Variants in SEC24C observed in about 807,000 individuals in gnomAD.
SEC24C encodes SEC24 homolog C, COPII component.
In SEC24C, 22 loss-of-function variants were observed where a neutral mutation model predicts 117.0. The ratio of observed to expected loss-of-function variants is 0.19; its 90% CI spans 0.13 to 0.27. The LOEUF is 0.27. Ranked by LOEUF, SEC24C falls within the 10% of genes least tolerant of loss-of-function variation. The probability of loss-of-function intolerance (pLI) is 1.00; values close to 1 mark genes in which losing one functional copy is unlikely to be tolerated. For synonymous variants in SEC24C, 506 were observed against 529.4 expected, an observed-to-expected ratio of 0.96 and a Z score of 0.61; for missense variants, 1,155 against 1,375.1, an observed-to-expected ratio of 0.84 and a Z score of 2.53.
intron 5 of SEC24C, 146 bp downstream of exon 5, chr10:73,760,532 G>C: frequency 8.4e-7 from 1 of 1,190,032 alleles, no homozygotes; most frequent in Non-Finnish European, 1.2e-6. Flanking sequence ...CTAGGATATG[G>C]GGTTTGTAAG....
In SEC24C at chr10:73,746,841, C is replaced by T. The variant is rs1288161195; in HGVS notation, c.9C>T (p.Val3=). MN[V]NQSVPPVPPF... ...TTGGGAATGCTTTCATAATGAACGT[C>T]AACCAGTCAGTTCCACCTGTGCCAC... Residue 3 remains valine (V), a synonymous_variant, in exon 2 of 23, where the codon GTC becomes GTT. Transcript: ENST00000345254. 1.2e-6 allele frequency: 2 copies of T among 1,606,688 alleles called. No homozygotes were observed. Among genetic ancestry groups the T allele is most frequent in the Non-Finnish European group, 8.5e-7 (1 of 1,176,318 alleles).
chr10:73,760,213 T>C lies in SEC24C; in HGVS notation c.677T>C (p.Met226Thr), dbSNP rs774911938. Residue 226 changes from methionine (M) to threonine (T), a missense_variant, in exon 5 of 23, where the codon ATG becomes ACG. Physicochemically the swap from Met to Thr is moderately conservative, Grantham distance 81. Transcript: ENST00000345254. Reference protein sequence around the residue: ...PASGGPRLPSMTGPLLPGQSF... With the variant: ...PASGGPRLPSTTGPLLPGQSF... ...TCAGGGGGTCCTCGGCTGCCTTCGA[T>C]GACTGGTCCACTCCTGCCTGGACAG... The C allele has an allele frequency of 2.5e-6, 4 of 1,614,168 alleles. No homozygotes were observed. The East Asian group carries it at 8.9e-5, about 36-fold the overall frequency.
Position 73,769,611 on chromosome 10 carries a change from C to T in SEC24C, c.2564-4C>T, listed in dbSNP as rs2082941705. On this transcript the variant is annotated splice_region_variant and splice_polypyrimidine_tract_variant and intron_variant, in intron 18 of 22. Transcript: ENST00000345254. The surrounding 1 kb of genome is among the most constrained non-coding windows in gnomAD (Gnocchi z 4.5). ...CCAGTGACTATCTTTGCTTTCCCAT[C>T]CAGCATATCGGGGAGTCCTGAATAG... 6.2e-7 allele frequency: 1 copy of T among 1,613,696 alleles called. No homozygotes were observed. The highest frequency in any genetic ancestry group is 8.5e-7 in the Non-Finnish European group (1 of 1,179,848).
chr10:73,758,609 T>C (rs1424992338), intron 3 of SEC24C, among the ~76,000 whole-genome samples: 1 of 152,226 alleles, frequency 6.6e-6, no homozygotes, highest in African/African-American at 2.4e-5. Flanking sequence ...CTACTTTCTG[T>C]CTCTAAAGAT....
At position 73,760,727 on chromosome 10, in the gene SEC24C, G is replaced by A; in HGVS notation, c.865G>A (p.Ala289Thr). Residue 289 changes from alanine (A) to threonine (T), a missense_variant, in exon 6 of 23, where the codon GCC becomes ACC. By Grantham distance (58) the Ala-to-Thr change is moderately conservative. This residue lies in a region of SEC24C where 396 missense variants were observed against 382.8 expected (regional missense o/e 1.03). Coordinates refer to ENST00000345254, the MANE Select transcript of SEC24C (RefSeq NM_198597.3). Reference sequence around the variant, plus strand: ...CCTTGTCTCAGGTTCCTTCGGACCAGCCCGGGGCCCTCAGTCTAATTATGG... The same window carrying A: ...CCTTGTCTCAGGTTCCTTCGGACCAACCCGGGGCCCTCAGTCTAATTATGG... ...QPQQNGSFGPARGPQSNYGGP... is the reference protein window; with the variant it reads ...QPQQNGSFGPTRGPQSNYGGP... The A allele has an allele frequency of 6.2e-7, 1 of 1,609,452 alleles. No homozygotes were observed. The highest frequency in any genetic ancestry group is 1.3e-5 in the African/African-American group (1 of 74,708).
Position 73,767,859 on chromosome 10 carries a change from G to T in SEC24C, c.2033G>T (p.Gly678Val). 1.9e-6 allele frequency: 3 copies of T among 1,612,394 alleles called. No individual in the cohort carries two copies. Among genetic ancestry groups the T allele is most frequent in the Non-Finnish European group, 2.5e-6 (3 of 1,179,100 alleles). Residue 678 changes from glycine (G) to valine (V), a missense_variant, in exon 15 of 23, where the codon GGT becomes GTT. Gly to Val is a moderately radical substitution (Grantham distance 109, BLOSUM62 -3). Around this residue, in one of 2 missense-constraint regions of SEC24C, gnomAD observed 759 missense variants for 992.3 expected, o/e 0.76. Coordinates refer to ENST00000345254, the MANE Select transcript of SEC24C (RefSeq NM_198597.3). ...KEKTLFQPQT[G>V]AYQTLAKECV... The stretch of plus-strand genomic sequence containing the variant: ...TAGACTCTGTTCCAGCCTCAGACAG[G>T]TGCCTATCAGACCCTGGCCAAAGAG...
chr10:73,767,385 T>C (rs2082901209), intron 14 of SEC24C, among the ~76,000 whole-genome samples: 2 of 152,322 alleles, frequency 1.3e-5, no homozygotes, highest in East Asian at 1.9e-4. Context: ...AGAAGAACTT[T>C]TGGCCGGGCA....
chr10:73,764,541 CAA>C (rs994674813), intron 8 of SEC24C, among the ~76,000 whole-genome samples: 22 of 141,670 alleles, frequency 1.6e-4, no homozygotes, highest in Admixed American at 6.3e-4. Context: ...AAAAAAAAAA[CAA>C]GAGGTAGGGC....
chr10:73,769,384 G>A lies in SEC24C; in HGVS notation c.2462G>A (p.Arg821Gln), dbSNP rs772559264. 3.7e-6 allele frequency: 6 copies of A among 1,613,902 alleles called. No homozygotes were observed. The highest frequency in any genetic ancestry group is 1.1e-5 in the South Asian group (1 of 91,062). The change falls in exon 18 of 23, where the codon CGG becomes CAG. Residue 821 changes from arginine (R) to glutamine (Q), a missense_variant. Physicochemically the swap from Arg to Gln is conservative, Grantham distance 43 (BLOSUM62 1). Transcript: ENST00000345254. This position sits in a 1 kb window ranked among gnomAD's most constrained non-coding sequence, Gnocchi z 4.5. ...LLYTSCAGQR[R>Q]LRIHNLALNC... ...TACACCAGCTGTGCAGGGCAGCGTC[G>A]GCTCCGCATCCATAATCTGGCCCTG...
In SEC24C at chr10:73,772,009, C is replaced by T. The variant is rs1804045; in HGVS notation, c.*914C>T. 9 of 288,462 alleles carry T rather than the reference C, an allele frequency of 3.1e-5. No individual in the cohort carries two copies. Among genetic ancestry groups the T allele is most frequent in the African/African-American group, 1.9e-4 (9 of 46,322 alleles). The allele number at this position is 288,462 out of a possible 1,614,324, so 17.9% of individuals were successfully genotyped here. A position where few individuals can be genotyped will look rare whatever the true frequency, so the allele number is the denominator to read the frequency against. ...ACAGTTATCTTCCAACCCCAACTGG[C>T]TTGGGGGCAGGACAAGGGCTAGGCT... On this transcript the variant is annotated 3_prime_UTR_variant, in exon 23 of 23. Coordinates refer to ENST00000345254, the MANE Select transcript of SEC24C (RefSeq NM_198597.3).
rs796689828 is a variant in SEC24C, at chr10:73,770,415, G to A, written c.2998G>A (p.Gly1000Ser). 1.2e-6 allele frequency: 2 copies of A among 1,613,972 alleles called. No homozygotes were observed. Among genetic ancestry groups the A allele is most frequent in the Admixed American group, 1.7e-5 (1 of 60,004 alleles). ...CTGGGTGGGAGCAAGCGTCCAACAGGGTGTTGTCCAGAGCCTTTTCAGCGT... is the reference window on the plus strand; with the variant it reads ...CTGGGTGGGAGCAAGCGTCCAACAGAGTGTTGTCCAGAGCCTTTTCAGCGT... ...FLWVGASVQQGVVQSLFSVSS... is the reference protein window; with the variant it reads ...FLWVGASVQQSVVQSLFSVSS... Residue 1000 changes from glycine to serine, a missense_variant, in exon 21 of 23, where the codon GGT becomes AGT. Coordinates refer to ENST00000345254, the MANE Select transcript of SEC24C (RefSeq NM_198597.3).
At chr10:73,763,746 A>T (rs1193750733) in intron 7 of SEC24C, 110 bp from the exon 8 acceptor site, 3 of 1,197,722 alleles carry the variant, frequency 2.5e-6, no homozygotes, top group South Asian at 3.2e-5. Context: ...TGGGGGAAAA[A>T]GCCACCATCA....
chr10:73,760,202 G>T lies in SEC24C; in HGVS notation c.666G>T (p.Arg222=). Residue 222 remains arginine, a synonymous_variant, in exon 5 of 23, where the codon CGG becomes CGT. Coordinates refer to ENST00000345254, the MANE Select transcript of SEC24C (RefSeq NM_198597.3). ...CACCCCCAGCTTCAGGGGGTCCTCG[G>T]CTGCCTTCGATGACTGGTCCACTCC... The part of the protein sequence containing the change: ...SFTPPASGGP[R]LPSMTGPLLP... The T allele has an allele frequency of 1.2e-6, 2 of 1,614,114 alleles. No individual in the cohort carries two copies. Among genetic ancestry groups the T allele is most frequent in the Non-Finnish European group, 1.7e-6 (2 of 1,180,010 alleles).
chr10:73,747,070 G>A (rs1397258809), intron 2 of SEC24C, 66 bp downstream of exon 2: 1 of 1,468,096 alleles, frequency 6.8e-7, no homozygotes, highest in South Asian at 1.4e-5. Flanking sequence ...AGGTTGGGTT[G>A]TATTGCTCTA....
chr10:73,768,672 T>TGTC (rs2082922306), intron 15 of SEC24C, 138 bp from the exon 16 acceptor site: 2 of 760,060 alleles, frequency 2.6e-6, no homozygotes, highest in Non-Finnish European at 4.6e-6. Flanking sequence ...AAGCTATTAT[T>TGTC]GTCATCATCA....
At chr10:73,755,131 TCAAA>T (rs2082692068) in intron 3 of SEC24C, among the ~76,000 whole-genome samples, 1 of 150,570 alleles carries the variant, frequency 6.6e-6, no homozygotes, top group Non-Finnish European at 1.5e-5. Flanking sequence ...AGACCCCATC[TCAAA>T]CAAACAAAAA....
Position 73,760,194 on chromosome 10 carries a change from G to T in SEC24C, c.658G>T (p.Gly220Cys), listed in dbSNP as rs781124242. ...ASSFTPPASG[G>C]PRLPSMTGPL... is the part of the protein sequence containing the mutation. The stretch of plus-strand genomic sequence containing the variant: ...CAGCTTCACACCCCCAGCTTCAGGG[G>T]GTCCTCGGCTGCCTTCGATGACTGG... The change falls in exon 5 of 23, where the codon GGT (glycine) becomes TGT (cysteine). Residue 220 changes from glycine to cysteine, a missense_variant. Physicochemically the swap from Gly to Cys is radical, Grantham distance 159. This residue lies in a region of SEC24C where 396 missense variants were observed against 382.8 expected (regional missense o/e 1.03). Coordinates refer to ENST00000345254, the MANE Select transcript of SEC24C (RefSeq NM_198597.3). 6.2e-7 allele frequency: 1 copy of T among 1,614,116 alleles called. No individual in the cohort carries two copies.
rs1389038918 is a variant in SEC24C, at chr10:73,769,080, T to C, written c.2352T>C (p.Asp784=). Residue 784 remains aspartate (D), a synonymous_variant, in exon 17 of 23, where the codon GAT becomes GAC. Coordinates refer to ENST00000345254, the MANE Select transcript of SEC24C (RefSeq NM_198597.3). The surrounding 1 kb of genome is among the most constrained non-coding windows in gnomAD (Gnocchi z 4.5). Reference sequence around the variant, plus strand: ...CAGATGTGGAGCTGGCTGGGCTAGATGGGGACAAAACAGTGACTGTGGAGT... The same window carrying C: ...CAGATGTGGAGCTGGCTGGGCTAGACGGGGACAAAACAGTGACTGTGGAGT... ...NTTDVELAGL[D]GDKTVTVEFK... 6.2e-7 allele frequency: 1 copy of C among 1,614,054 alleles called. No homozygotes were observed. The highest frequency in any genetic ancestry group is 1.3e-5 in the African/African-American group (1 of 74,910).
At position 73,772,134 on chromosome 10, in the gene SEC24C, T is replaced by C; in HGVS notation, c.*1039T>C. 2.4e-6 allele frequency: 1 copy of C among 422,398 alleles called. No individual in the cohort carries two copies. Among genetic ancestry groups the C allele is most frequent in the Non-Finnish European group, 4.1e-6 (1 of 241,450 alleles). 26.2% of individuals were successfully genotyped at this position (422,398 alleles called of 1,614,324 possible). A position where few individuals can be genotyped will look rare whatever the true frequency, so the allele number is the denominator to read the frequency against. On this transcript the variant is annotated 3_prime_UTR_variant, in exon 23 of 23. Coordinates refer to ENST00000345254, the MANE Select transcript of SEC24C (RefSeq NM_198597.3). ...TATTTTTCAATGCATCTTTAATTTG[T>C]AAAGAAATAAAATAAATTAAGATGT...
Sources: gnomAD v4.1 joint callset for allele counts (sites outside exome capture counted in the v4.1 genomes callset) on GRCh38, gnomAD v4.1.1 for gene constraint, gnomAD v4.1.1 regional missense constraint, Gnocchi (gnomAD v3.1) non-coding constraint, MANE v1.5 for transcripts, NCBI Gene and HGNC (gene_info 2026-07-23, HGNC 2026-07-21) for gene names.